The following NVL variants were observed in gnomAD, a reference collection of about 807,000 sequenced individuals.
NVL encodes nuclear valosin-containing protein-like.
A neutral mutation model predicts 110.2 loss-of-function variants in NVL; 84 were observed. The observed-to-expected ratio is 0.76, with a 90% CI of 0.64 to 0.91. The LOEUF (loss-of-function observed/expected upper bound fraction) is 0.91, where lower values mean the gene tolerates loss of function less well. Ranked by LOEUF, NVL falls within the 40% of genes least tolerant of loss-of-function variation. The pLI is 0.00. For synonymous variants in NVL, 354 were observed against 361.1 expected (o/e 0.98, Z 0.22); for missense variants, 882 against 1,035.9 (o/e 0.85, Z 2.04).
intron 8 of NVL, among the ~76,000 whole-genome samples, chr1:224,304,254 G>A (rs1233538206): frequency 6.6e-6 from 1 of 151,996 alleles, no homozygotes; most frequent in Admixed American, 6.6e-5. Flanking sequence ...GTGAAGCCCT[G>A]TCTCTACTAA....
chr1:224,233,341 GA>G (rs1172676032), intron 20 of NVL, 52 bp from the exon 21 acceptor site: 11 of 1,408,234 alleles, frequency 7.8e-6, no homozygotes, highest in African/African-American at 1.5e-5. Flanking sequence ...CAAAATCCCA[GA>G]AAAAAACCCG....
In NVL at chr1:224,300,638, A is replaced by G; in HGVS notation, c.986T>C (p.Val329Ala). The change falls in exon 10 of 23, where the codon GTG becomes GCG. Residue 329 changes from valine (V) to alanine (A), a missense_variant. Val to Ala is a moderately conservative substitution (Grantham distance 64). This residue lies in a region of NVL where 416 missense variants were observed against 499.3 expected (regional missense o/e 0.83). Coordinates refer to ENST00000281701, the MANE Select transcript of NVL (RefSeq NM_002533.4). ...AGELDLPILK[V>A]AAPEIVSGVS... is the part of the protein sequence containing the mutation. ...TCCAGACACAATCTCTGGAGCAGCC[A>G]CTTTCAAAATTGGCAGGTCAAGTTC... 6.2e-7 allele frequency: 1 copy of G among 1,613,980 alleles called. No individual in the cohort carries two copies. Among genetic ancestry groups the G allele is most frequent in the Non-Finnish European group, 8.5e-7 (1 of 1,179,890 alleles).
At chr1:224,302,171 G>A (rs1175083414) in intron 9 of NVL, among the ~76,000 whole-genome samples, 1 of 151,950 alleles carries the variant, frequency 6.6e-6, no homozygotes, top group African/African-American at 2.4e-5. Context: ...GAACATTATT[G>A]TATTAGCGCT....
rs987269096 is a variant in NVL, at chr1:224,227,373, A to T, written c.*253T>A. 2 of 295,646 alleles carry T rather than the reference A, an allele frequency of 6.8e-6. No homozygotes were observed. Among genetic ancestry groups the T allele is most frequent in the African/African-American group, 4.3e-5 (2 of 46,212 alleles). The allele number at this position is 295,646 out of a possible 1,614,324, so 18.3% of individuals were successfully genotyped here. On this transcript the variant is annotated 3_prime_UTR_variant, in exon 23 of 23. Coordinates refer to ENST00000281701, the MANE Select transcript of NVL (RefSeq NM_002533.4). ...TTCAAAGTAAAAGTTTTATTTGAAA[A>T]ATGTAACAGTCATTTTATTTCAGCA... is the stretch of plus-strand genomic sequence containing the variant.
At position 224,294,428 on chromosome 1, in the gene NVL, A is replaced by G; in HGVS notation, c.1181-17T>C. 1 of 1,613,540 alleles carries G rather than the reference A, an allele frequency of 6.2e-7. No homozygotes were observed. The highest frequency in any genetic ancestry group is 8.5e-7 in the Non-Finnish European group (1 of 1,179,802). On this transcript the variant is annotated splice_polypyrimidine_tract_variant and intron_variant, in intron 11 of 22. Transcript: ENST00000281701. ...TATTCAGATCTAGTAAGAGACAGAG[A>G]AAGAGTAGTGAACAAAGCACTTGAC...
At chr1:224,315,261 C>A (rs1669958610) in intron 4 of NVL, among the ~76,000 whole-genome samples, 1 of 152,048 alleles carries the variant, frequency 6.6e-6, no homozygotes, top group Non-Finnish European at 1.5e-5. Context: ...TGCTGTGTTG[C>A]CCAAGCTGCC....
chr1:224,296,894 T>C (rs1239692972), intron 10 of NVL, among the ~76,000 whole-genome samples: 1 of 152,214 alleles, frequency 6.6e-6, no homozygotes, highest in Non-Finnish European at 1.5e-5. Flanking sequence ...ACTGAAATTC[T>C]TTTGTAAATT....
At chr1:224,301,054 C>T (rs1216371616) in intron 9 of NVL, among the ~76,000 whole-genome samples, 1 of 150,898 alleles carries the variant, frequency 6.6e-6, no homozygotes, top group African/African-American at 2.4e-5. Context: ...TGTAGTGAGC[C>T]GAGATCGCGC....
intron 2 of NVL, among the ~76,000 whole-genome samples, chr1:224,326,187 T>C (rs189909807): frequency 6.6e-6 from 1 of 152,342 alleles, no homozygotes; most frequent in East Asian, 1.9e-4. Flanking sequence ...CAGTGACCCA[T>C]TTCCCACAGT....
chr1:224,281,277 CTGTGTGCGTGTG>C, intron 15 of NVL, 92 bp from the exon 16 acceptor site: 1 of 838,094 alleles, frequency 1.2e-6, no homozygotes, highest in South Asian at 1.4e-5. Flanking sequence ...TGAAAGGACT[CTGTGTGCGTGTG>C]TGTGTGTGTG....
intron 18 of NVL, among the ~76,000 whole-genome samples, chr1:224,263,821 A>G (rs138000134): frequency 6.6e-6 from 1 of 152,194 alleles, no homozygotes; most frequent in South Asian, 2.1e-4. Flanking sequence ...TAAAAACATC[A>G]GAAAGATTAC....
Position 224,308,053 on chromosome 1 carries a change from T to A in NVL, c.553A>T (p.Ser185Cys), listed in dbSNP as rs1484126860. ...TCACATGACAGGTCCAAGAAAAAACTGTCTTTCTTTACACTTGGGGTTTTG... is the reference window on the plus strand; with the variant it reads ...TCACATGACAGGTCCAAGAAAAAACAGTCTTTCTTTACACTTGGGGTTTTG... The part of the protein sequence containing the change: ...IDKTPSVKKD[S>C]FFLDLSCEKS... The change falls in exon 6 of 23, where the codon AGT (serine) becomes TGT (cysteine). Residue 185 changes from serine to cysteine, a missense_variant. Physicochemically the swap from Ser to Cys is moderately radical, Grantham distance 112 (BLOSUM62 -1). Around this residue, in one of 4 missense-constraint regions of NVL, gnomAD observed 274 missense variants for 268.4 expected, o/e 1.02. Transcript: ENST00000281701. 6.3e-7 allele frequency: 1 copy of A among 1,594,904 alleles called. No individual in the cohort carries two copies.
At chr1:224,302,429 G>A (rs888672372) in intron 9 of NVL, among the ~76,000 whole-genome samples, 4 of 152,068 alleles carry the variant, frequency 2.6e-5, no homozygotes, top group East Asian at 1.9e-4. Context: ...TTGAACTCCC[G>A]ACCTCAGGTG....
intron 20 of NVL, among the ~76,000 whole-genome samples, chr1:224,236,036 A>G (rs72755941): frequency 0.062 from 9,390 of 152,312 alleles, 532 homozygotes; most frequent in East Asian, 0.3. Flanking sequence ...CCAAATTGGG[A>G]AAGTTAACAA....
intron 20 of NVL, among the ~76,000 whole-genome samples, chr1:224,235,634 T>C (rs1404634442): frequency 1.3e-5 from 2 of 150,636 alleles, no homozygotes; most frequent in African/African-American, 2.4e-5. Flanking sequence ...AAGGACATAA[T>C]AGAGAAAAAA....
chr1:224,266,433 C>T (rs1166903586), intron 18 of NVL, among the ~76,000 whole-genome samples: 1 of 152,154 alleles, frequency 6.6e-6, no homozygotes, highest in Non-Finnish European at 1.5e-5. Context: ...CTGTCCAGGC[C>T]ACTTTCCTTT....
chr1:224,313,116 G>A, intron 4 of NVL: 1 of 363,810 alleles, frequency 2.7e-6, no homozygotes, highest in Non-Finnish European at 5.6e-6. Context: ...CCATGATTGT[G>A]CCAGTGCACT....
chr1:224,244,990 C>T (rs946772259), intron 19 of NVL, among the ~76,000 whole-genome samples: 1 of 152,000 alleles, frequency 6.6e-6, no homozygotes, highest in African/African-American at 2.4e-5. Flanking sequence ...CTGGCCCACT[C>T]GCTCTTCTTT....
chr1:224,274,636 C>T (rs1228084152), intron 17 of NVL, among the ~76,000 whole-genome samples: 3 of 151,120 alleles, frequency 2.0e-5, no homozygotes, highest in Non-Finnish European at 2.9e-5. Flanking sequence ...AACTCCGTCT[C>T]GAAAAAAATA....
Sources: gnomAD v4.1 joint callset for allele counts (sites outside exome capture counted in the v4.1 genomes callset) on GRCh38, gnomAD v4.1.1 for gene constraint, gnomAD v4.1.1 regional missense constraint, MANE v1.5 for transcripts, NCBI Gene and HGNC (gene_info 2026-07-23, HGNC 2026-07-21) for gene names.